PCDH9: variants seen among roughly 807,000 people sequenced by gnomAD.
PCDH9 encodes the protein protocadherin-9.
In PCDH9, 24 loss-of-function variants were observed where a neutral mutation model predicts 70.6. That is an observed-to-expected ratio of 0.34 (90% CI 0.25 to 0.48). PCDH9 has a LOEUF of 0.48. Ranked by LOEUF, PCDH9 falls within the 20% of genes least tolerant of loss-of-function variation. The pLI is 0.99. For missense variants in PCDH9, 1,281 were observed against 1,503.6 expected (o/e 0.85, Z 2.45); for synonymous variants, 562 against 558.5 (o/e 1.01, Z -0.09).
At chr13:66,481,937 T>G (rs1057097476) in intron 4 of PCDH9, among the ~76,000 whole-genome samples, 1 of 133,364 alleles carries the variant, frequency 7.5e-6, no homozygotes, top group Non-Finnish European at 1.7e-5. Flanking sequence ...CAAATACACA[T>G]GCACGCACAC....
intron 3 of PCDH9, among the ~76,000 whole-genome samples, chr13:66,696,958 C>T (rs994934595): frequency 6.6e-6 from 1 of 151,632 alleles, no homozygotes; most frequent in Non-Finnish European, 1.5e-5. Flanking sequence ...ATAATCCAGG[C>T]ATGGTGGTAT....
intron 2 of PCDH9, among the ~76,000 whole-genome samples, chr13:66,934,997 G>A (rs571480305): frequency 1.3e-5 from 2 of 151,912 alleles, no homozygotes; most frequent in Admixed American, 1.3e-4. Context: ...TGGGATTACA[G>A]GCGTGAGCCA....
intron 3 of PCDH9, among the ~76,000 whole-genome samples, chr13:66,844,421 C>T (rs996252327): frequency 6.6e-6 from 1 of 151,842 alleles, no homozygotes; most frequent in Non-Finnish European, 1.5e-5. Context: ...CCTGTCTCTA[C>T]TAAAAACACA....
chr13:66,438,035 A>G lies in PCDH9; in HGVS notation c.3341-133007T>C, dbSNP rs533575612. On this transcript the variant is annotated intron_variant, in intron 4 of 4. Transcript: ENST00000377865. ...GATCACCTGAGGTCAGGAGTTCAAG[A>G]CAAGTTTGGCCAATATGGTGAAACC... Among the ~76,000 whole-genome samples, 19 of 152,140 alleles carry G rather than the reference A, an allele frequency of 1.2e-4. 1 individual carries two copies. The South Asian group carries it at 1.5e-3, about 12-fold the overall frequency.
intron 4 of PCDH9, among the ~76,000 whole-genome samples, chr13:66,568,519 A>C (rs1313686378): frequency 1.3e-5 from 2 of 151,494 alleles, no homozygotes; most frequent in African/African-American, 2.4e-5. Flanking sequence ...TTACAAAAAA[A>C]AAAAAAAGAA....
intron 2 of PCDH9, among the ~76,000 whole-genome samples, chr13:67,155,296 T>C (rs369659843): frequency 6.6e-6 from 1 of 152,346 alleles, no homozygotes; most frequent in South Asian, 2.1e-4. Flanking sequence ...GCTTTTCTAA[T>C]ATTTTGAAAT....
chr13:66,469,676 G>A (rs1958580049), intron 4 of PCDH9, among the ~76,000 whole-genome samples: 1 of 151,936 alleles, frequency 6.6e-6, no homozygotes, highest in South Asian at 2.1e-4. Context: ...AGTCCATCAA[G>A]GTGTGATTAC....
chr13:66,359,344 C>T (rs970497273), intron 4 of PCDH9, among the ~76,000 whole-genome samples: 2 of 151,812 alleles, frequency 1.3e-5, no homozygotes, highest in Admixed American at 6.6e-5. Context: ...AAACGTAGCA[C>T]CTGCAATAAA....
intron 4 of PCDH9, among the ~76,000 whole-genome samples, chr13:66,339,610 C>A (rs571868927): frequency 2.0e-5 from 3 of 152,244 alleles, no homozygotes; most frequent in African/African-American, 7.2e-5. Context: ...AGCAAATACA[C>A]TGTGCCATGA....
intron 2 of PCDH9, chr13:67,202,232 T>C (rs1186584902): frequency 1.3e-5 from 2 of 152,060 alleles, no homozygotes. Flanking sequence ...TGAAAAAATG[T>C]ACTTTGCACT....
At chr13:66,828,641 T>C (rs1164402266) in intron 3 of PCDH9, among the ~76,000 whole-genome samples, 1 of 152,088 alleles carries the variant, frequency 6.6e-6, no homozygotes, top group Non-Finnish European at 1.5e-5. Context: ...TAAATGTCCA[T>C]AAATCACTGT....
chr13:66,835,124 T>C (rs1280311272), intron 3 of PCDH9, among the ~76,000 whole-genome samples: 1 of 152,192 alleles, frequency 6.6e-6, no homozygotes. Context: ...CAAATTGACA[T>C]AGTCACTGAA....
At chr13:66,827,993 A>T (rs1350749668) in intron 3 of PCDH9, among the ~76,000 whole-genome samples, 1 of 152,222 alleles carries the variant, frequency 6.6e-6, no homozygotes, top group African/African-American at 2.4e-5. Flanking sequence ...AAAAAATATA[A>T]AAATAGATCG....
chr13:66,435,077 C>G (rs1293681170), intron 4 of PCDH9, among the ~76,000 whole-genome samples: 1 of 152,054 alleles, frequency 6.6e-6, no homozygotes, highest in Non-Finnish European at 1.5e-5. Flanking sequence ...GTGCAAAGGG[C>G]TTCATTAGAT....
At chr13:67,013,297 A>ACACACACACACAC (rs2084490103) in intron 2 of PCDH9, among the ~76,000 whole-genome samples, 2 of 150,644 alleles carry the variant, frequency 1.3e-5, no homozygotes, top group Non-Finnish European at 1.5e-5. Context: ...ACACACACAC[A>ACACACACACACAC]ATCCTACACA....
chr13:66,377,843 G>A (rs756361225), intron 4 of PCDH9, among the ~76,000 whole-genome samples: 9 of 152,040 alleles, frequency 5.9e-5, no homozygotes, highest in Non-Finnish European at 8.8e-5. Context: ...CTATATGTCC[G>A]TCATTCTTTC....
intron 3 of PCDH9, among the ~76,000 whole-genome samples, chr13:66,898,689 AT>A (rs759350191): frequency 1.3e-5 from 2 of 152,062 alleles, no homozygotes; most frequent in African/African-American, 4.8e-5. Context: ...GTGTATGAAT[AT>A]TTTTTTAAAA....
At chr13:66,492,960 T>G (rs2138537980) in intron 4 of PCDH9, among the ~76,000 whole-genome samples, 1 of 152,290 alleles carries the variant, frequency 6.6e-6, no homozygotes, top group South Asian at 2.1e-4. Flanking sequence ...ATGAGGTGAC[T>G]ATCCTGTCTC....
At chr13:66,862,412 T>C (rs1016736532) in intron 3 of PCDH9, among the ~76,000 whole-genome samples, 1 of 152,096 alleles carries the variant, frequency 6.6e-6, no homozygotes, top group African/African-American at 2.4e-5. Flanking sequence ...TTGAGAAAAA[T>C]ACTGTTTTGT....
Sources: gnomAD v4.1 joint callset for allele counts (sites outside exome capture counted in the v4.1 genomes callset) on GRCh38, gnomAD v4.1.1 for gene constraint, MANE v1.5 for transcripts, NCBI Gene and HGNC (gene_info 2026-07-23, HGNC 2026-07-21) for gene names.